GSK3B: variants seen among roughly 807,000 people sequenced by gnomAD.
The protein encoded by GSK3B is glycogen synthase kinase-3 beta.
In GSK3B, 15 loss-of-function variants were observed where a neutral mutation model predicts 56.4. The ratio of observed to expected loss-of-function variants is 0.27; its 90% confidence interval spans 0.18 to 0.41. The LOEUF is 0.41. Ranked by LOEUF, GSK3B falls within the 10% of genes least tolerant of loss-of-function variation. The pLI is 1.00. For missense variants in GSK3B, 300 were observed against 513.4 expected (o/e 0.58, Z 4.02); for synonymous variants, 181 against 188.9 (o/e 0.96, Z 0.34).
chr3:120,026,505 C>T (rs759963627), intron 1 of GSK3B, among the ~76,000 whole-genome samples: 19 of 101,198 alleles, frequency 1.9e-4, no homozygotes, highest in Non-Finnish European at 2.9e-4. Context: ...AATGCTATAC[C>T]GCCAAATACA....
intron 1 of GSK3B, among the ~76,000 whole-genome samples, chr3:120,055,521 G>A (rs1559893668): frequency 6.6e-6 from 1 of 152,148 alleles, no homozygotes; most frequent in South Asian, 2.1e-4. Context: ...AGAGCAAAAT[G>A]CCACAATCAG....
In GSK3B at chr3:119,908,989, A is replaced by G. The variant is rs570449370; in HGVS notation, c.716-3137T>C. Among the ~76,000 whole-genome samples, 6 of 152,312 alleles carry G rather than the reference A, an allele frequency of 3.9e-5. No individual in the cohort carries two copies. The South Asian group carries it at 1.2e-3, about 32-fold the overall frequency. Reference sequence around the variant, plus strand: ...CTATTTATATCAAAAAGACAAAAAAACTGTCACAAGGTCTGTTCTATTTTT... The same window carrying G: ...CTATTTATATCAAAAAGACAAAAAAGCTGTCACAAGGTCTGTTCTATTTTT... On this transcript the variant is annotated intron_variant, in intron 6 of 10. Transcript: ENST00000264235.
intron 5 of GSK3B, among the ~76,000 whole-genome samples, chr3:119,915,516 C>T (rs2056771744): frequency 6.6e-6 from 1 of 151,980 alleles, no homozygotes; most frequent in African/African-American, 2.4e-5. Context: ...AGAAATAAGC[C>T]ACACATGTAC....
intron 3 of GSK3B, among the ~76,000 whole-genome samples, chr3:119,945,515 G>A (rs2057091591): frequency 6.6e-6 from 1 of 152,130 alleles, no homozygotes; most frequent in South Asian, 2.1e-4. Context: ...GCAGTCAGTT[G>A]TCACCCCCAA....
intron 2 of GSK3B, among the ~76,000 whole-genome samples, chr3:119,948,692 C>T (rs1167168882): frequency 1.3e-5 from 2 of 151,972 alleles, no homozygotes; most frequent in African/African-American, 4.8e-5. Context: ...TATTTCTATA[C>T]TTTGTTTTTT....
intron 10 of GSK3B, among the ~76,000 whole-genome samples, chr3:119,840,062 C>T (rs529868293): frequency 3.3e-5 from 5 of 152,186 alleles, no homozygotes; most frequent in Admixed American, 6.5e-5. Context: ...AGGAAAGCTT[C>T]GGCTATGTCT....
intron 1 of GSK3B, among the ~76,000 whole-genome samples, chr3:120,021,260 C>A (rs896142049): frequency 3.3e-5 from 5 of 151,492 alleles, no homozygotes; most frequent in African/African-American, 1.2e-4. Context: ...AATCCCAGCA[C>A]TTTGGGAGGC....
intron 3 of GSK3B, among the ~76,000 whole-genome samples, chr3:119,935,960 T>C (rs1365149912): frequency 6.6e-6 from 1 of 152,078 alleles, no homozygotes; most frequent in Non-Finnish European, 1.5e-5. Context: ...TCAACTTATA[T>C]AAAACACCAT....
At chr3:120,042,780 G>A (rs190207697) in intron 1 of GSK3B, among the ~76,000 whole-genome samples, 6 of 152,208 alleles carry the variant, frequency 3.9e-5, no homozygotes, top group Non-Finnish European at 5.9e-5. Flanking sequence ...GGCACCCACC[G>A]TCATTAAGGA....
At chr3:119,985,481 CAA>C (rs1489412542) in intron 2 of GSK3B, among the ~76,000 whole-genome samples, 3 of 152,194 alleles carry the variant, frequency 2.0e-5, no homozygotes, top group African/African-American at 2.4e-5. Flanking sequence ...CCAACTTCAG[CAA>C]AGTCTCAGGA....
At chr3:119,841,804 G>T (rs1448765690) in intron 10 of GSK3B, among the ~76,000 whole-genome samples, 2 of 152,284 alleles carry the variant, frequency 1.3e-5, no homozygotes, top group East Asian at 3.9e-4. Context: ...AACAAGAAAA[G>T]AGATCTTTCT....
chr3:119,944,228 A>T (rs1241039218), intron 3 of GSK3B, among the ~76,000 whole-genome samples: 1 of 152,016 alleles, frequency 6.6e-6, no homozygotes, highest in Admixed American at 6.6e-5. Flanking sequence ...CTTATCACTG[A>T]TCTCCCTCCC....
At chr3:120,000,295 TAA>T (rs1185643010) in intron 2 of GSK3B, among the ~76,000 whole-genome samples, 2 of 152,228 alleles carry the variant, frequency 1.3e-5, no homozygotes, top group Non-Finnish European at 2.9e-5. Flanking sequence ...TCTTAAAAGT[TAA>T]GTCATAGTTA....
chr3:120,007,243 G>T (rs1433218686), intron 1 of GSK3B, among the ~76,000 whole-genome samples: 1 of 152,064 alleles, frequency 6.6e-6, no homozygotes, highest in Non-Finnish European at 1.5e-5. Flanking sequence ...ATCAATAACA[G>T]GTTCTGAAAT....
chr3:119,964,869 T>C (rs1043049650), intron 2 of GSK3B, among the ~76,000 whole-genome samples: 2 of 152,156 alleles, frequency 1.3e-5, no homozygotes, highest in Non-Finnish European at 2.9e-5. Flanking sequence ...TGAGCACACA[T>C]ATTTGTCCAA....
intron 1 of GSK3B, among the ~76,000 whole-genome samples, chr3:120,054,841 G>A (rs924295409): frequency 1.3e-5 from 2 of 152,168 alleles, no homozygotes; most frequent in African/African-American, 4.8e-5. Flanking sequence ...GTCTTTGAAA[G>A]TGTAGCACAT....
rs2107987556 is a variant in GSK3B, at chr3:119,823,327, G to A, written c.*3461C>T. On this transcript the variant is annotated 3_prime_UTR_variant, in exon 11 of 11. Transcript: ENST00000264235. The stretch of plus-strand genomic sequence containing the variant: ...TAGAGATGGCGGGAGGGAGGAAATG[G>A]GCTAAGAGTTCCCTTGTTAAAACAA... 1 of 206,296 alleles carries A rather than the reference G, an allele frequency of 4.8e-6. No homozygotes were observed. Among genetic ancestry groups the A allele is most frequent in the African/African-American group, 2.3e-5 (1 of 43,944 alleles). The allele number at this position is 206,296 out of a possible 1,614,324, so 12.8% of individuals were successfully genotyped here.
At position 120,002,255 on chromosome 3, in the gene GSK3B, A is replaced by G. The variant is rs1022961458; in HGVS notation, c.89-16T>C. ...TCCTTGTCTCCTAAAGGAAGAAAGG[A>G]AATTTTTTTTTCACGAGAACTGTAA... On this transcript the variant is annotated splice_polypyrimidine_tract_variant and intron_variant, in intron 1 of 10. Coordinates refer to ENST00000264235, the MANE Select transcript of GSK3B (RefSeq NM_001146156.2). The G allele has an allele frequency of 8.0e-6, 12 of 1,493,670 alleles. No homozygotes were observed. The Admixed American group carries it at 1.9e-4, about 24-fold the overall frequency. 92.5% of individuals were successfully genotyped at this position (1,493,670 alleles called of 1,614,324 possible).
rs1024862932 is a variant in GSK3B at position 119,871,840 on chromosome 3, A to G, written c.909+4573T>C. 3.9e-5 allele frequency among the ~76,000 whole-genome samples: 6 copies of G among 152,336 alleles called. No homozygotes were observed. In the East Asian group the frequency reaches 1.2e-3, roughly 29 times the overall value. ...CAAACTGGACAACACTCCAATACGT[A>G]GCCAACATATTAAATAGCACTAATG... On this transcript the variant is annotated intron_variant, in intron 8 of 10. Transcript: ENST00000264235.
Sources: gnomAD v4.1 joint callset for allele counts (sites outside exome capture counted in the v4.1 genomes callset) on GRCh38, gnomAD v4.1.1 for gene constraint, MANE v1.5 for transcripts, NCBI Gene and HGNC (gene_info 2026-07-23, HGNC 2026-07-21) for gene names.